The following WBP11 variants were observed in gnomAD, a reference collection of about 807,000 sequenced individuals.
WBP11 encodes the protein WW domain-binding protein 11.
In WBP11, 12 loss-of-function variants were observed where a neutral mutation model predicts 66.7. The ratio of observed to expected loss-of-function variants is 0.18; its 90% CI spans 0.12 to 0.29. The LOEUF (loss-of-function observed/expected upper bound fraction) is 0.29. WBP11 is among the 10% of genes least tolerant of loss of function. WBP11 has a pLI of 1.00. For synonymous variants in WBP11, 255 were observed against 273.8 expected, an observed-to-expected ratio of 0.93 and a Z score of 0.68; for missense variants, 555 against 818.3, an observed-to-expected ratio of 0.68 and a Z score of 3.93.
Position 14,793,760 on chromosome 12 carries a change from T to C in WBP11, c.884A>G (p.Glu295Gly), listed in dbSNP as rs776581981. The change falls in exon 8 of 12, where the codon GAG (glutamate) becomes GGG (glycine). Residue 295 changes from glutamate (E) to glycine (G), a missense_variant. Around this residue, in one of 6 missense-constraint regions of WBP11, gnomAD observed 220 missense variants for 268.2 expected, o/e 0.82. Coordinates refer to ENST00000261167, the MANE Select transcript of WBP11 (RefSeq NM_016312.3). ...CTTCTTTTCTTCATTGTTGTCTCTCTCACCATTATCACGGTGCACAAATTC... is the reference window on the plus strand; with the variant it reads ...CTTCTTTTCTTCATTGTTGTCTCTCCCACCATTATCACGGTGCACAAATTC... ...GDEFVHRDNG[E>G]RDNNEEKKSG... is the part of the protein sequence containing the mutation. 1.2e-6 allele frequency: 2 copies of C among 1,614,084 alleles called. No homozygotes were observed. The highest frequency in any genetic ancestry group is 1.7e-6 in the Non-Finnish European group (2 of 1,179,970).
chr12:14,787,354 G>C lies in WBP11; in HGVS notation c.1637C>G (p.Ala546Gly), dbSNP rs368323504. ...APPNLIQRPK[A>G]DDTSAATIEK... ...AATGGTGGCTGCACTTGTATCATCC[G>C]CCTTGGGTCGCTGAATCAAGTTGGG... The change falls in exon 12 of 12, where the codon GCG becomes GGG. Residue 546 changes from alanine to glycine, a missense_variant. Ala to Gly is a moderately conservative substitution (Grantham distance 60). Around this residue, in one of 6 missense-constraint regions of WBP11, gnomAD observed 230 missense variants for 286.3 expected, o/e 0.80. Coordinates refer to ENST00000261167, the MANE Select transcript of WBP11 (RefSeq NM_016312.3). 36 of 1,609,426 alleles carry C rather than the reference G, an allele frequency of 2.2e-5. No individual in the cohort carries two copies. The South Asian group carries it at 4.0e-4, about 18-fold the overall frequency.
chr12:14,801,764 A>G, intron 1 of WBP11: 1 of 172,346 alleles, frequency 5.8e-6, no homozygotes, highest in Non-Finnish European at 1.3e-5. Flanking sequence ...GGCACAAACC[A>G]TGAACATCAG....
Position 14,790,559 on chromosome 12 carries a change from T to C in WBP11, c.1206A>G (p.Ile402Met). ...GTGGTCCTGGCATGGGAGGTGCTTGTATCTGAGAAGGAGGAACAGACTGCG... is the reference window on the plus strand; with the variant it reads ...GTGGTCCTGGCATGGGAGGTGCTTGCATCTGAGAAGGAGGAACAGACTGCG... Reference protein sequence around the residue: ...APPQSVPPSQIQAPPMPGPPP... With the variant: ...APPQSVPPSQMQAPPMPGPPP... Residue 402 changes from isoleucine (I) to methionine (M), a missense_variant, in exon 10 of 12, where the codon ATA becomes ATG. Ile to Met is a conservative substitution (Grantham distance 10). Transcript: ENST00000261167. 6.2e-7 allele frequency: 1 copy of C among 1,613,980 alleles called. No individual in the cohort carries two copies. The highest frequency in any genetic ancestry group is 8.5e-7 in the Non-Finnish European group (1 of 1,179,862).
chr12:14,801,145 G>C, intron 2 of WBP11, 175 bp downstream of exon 2: 2 of 518,606 alleles, frequency 3.9e-6, no homozygotes, highest in Non-Finnish European at 6.6e-6. Flanking sequence ...TAAAATACGG[G>C]TACTAATTTC....
chr12:14,801,480 C>T, intron 1 of WBP11, 52 bp from the exon 2 acceptor site: 2 of 1,217,026 alleles, frequency 1.6e-6, no homozygotes, highest in Non-Finnish European at 2.4e-6. Context: ...TGTATTTCTT[C>T]CTTTTTCTAG....
Position 14,796,829 on chromosome 12 carries a change from C to A in WBP11, c.365G>T (p.Ser122Ile). ...VEYEQKRAQL[S>I]QYFDAVKNAQ... ...TACCTTGACAGCATCAAAATATTGG[C>A]TAAGTTGAGCCCTCTTCTGTTCATA... is the stretch of plus-strand genomic sequence containing the variant. Residue 122 changes from serine (S) to isoleucine (I), a missense_variant, in exon 5 of 12, where the codon AGC becomes ATC. Ser to Ile is a moderately radical substitution (Grantham distance 142). Coordinates refer to ENST00000261167, the MANE Select transcript of WBP11 (RefSeq NM_016312.3). This position sits in a 1 kb window ranked among gnomAD's most constrained non-coding sequence, Gnocchi z 4.5. 1 of 1,593,394 alleles carries A rather than the reference C, an allele frequency of 6.3e-7. No homozygotes were observed. Among genetic ancestry groups the A allele is most frequent in the Admixed American group, 1.8e-5 (1 of 54,126 alleles).
At position 14,785,812 on chromosome 12, in the gene WBP11, A is replaced by G. The variant is rs1472762963; in HGVS notation, c.*1253T>C. ...CGCACTGTGTGTATGTGTTTATGAA[A>G]TACACACTTTGGATCACTGGATAAA... On this transcript the variant is annotated 3_prime_UTR_variant, in exon 12 of 12. Coordinates refer to ENST00000261167, the MANE Select transcript of WBP11 (RefSeq NM_016312.3). 6.6e-6 allele frequency: 1 copy of G among 152,246 alleles called. No individual in the cohort carries two copies. Among genetic ancestry groups the G allele is most frequent in the African/African-American group, 2.4e-5 (1 of 41,468 alleles). The allele number at this position is 152,246 out of a possible 1,614,324, so 9.4% of individuals were successfully genotyped here.
chr12:14,791,415 G>T (rs528518692), intron 8 of WBP11, 145 bp from the exon 9 acceptor site: 2 of 544,708 alleles, frequency 3.7e-6, no homozygotes, highest in South Asian at 2.7e-5. Context: ...CTAATGATAC[G>T]AACACCCAGA....
intron 1 of WBP11, 84 bp from the exon 2 acceptor site, chr12:14,801,512 A>T (rs1311504365): frequency 3.5e-6 from 3 of 847,270 alleles, no homozygotes; most frequent in Non-Finnish European, 5.4e-6. Context: ...CTCTGAAAAA[A>T]AATTCCTTTA....
chr12:14,787,383 G>A lies in WBP11; in HGVS notation c.1608C>T (p.Ala536=), dbSNP rs200349132. ...TGGGTCGCTGAATCAAGTTGGGTGG[G>A]GCACTTAAAACCCCAGGGTTTGGCA... ...APLPNPGVLS[A]PPNLIQRPKA... The change falls in exon 12 of 12, where the codon GCC becomes GCT. Residue 536 remains alanine (A), a synonymous_variant. Coordinates refer to ENST00000261167, the MANE Select transcript of WBP11 (RefSeq NM_016312.3). 6.3e-7 allele frequency: 1 copy of A among 1,598,500 alleles called. No homozygotes were observed. Among genetic ancestry groups the A allele is most frequent in the Non-Finnish European group, 8.5e-7 (1 of 1,170,070 alleles).
chr12:14,791,596 A>G (rs1023698085), intron 8 of WBP11, among the ~76,000 whole-genome samples: 1 of 152,256 alleles, frequency 6.6e-6, no homozygotes, highest in Non-Finnish European at 1.5e-5. Flanking sequence ...TAAAGAGCAT[A>G]GGAAAAGATG....
intron 2 of WBP11, 124 bp downstream of exon 2, chr12:14,801,195 GA>G: frequency 2.2e-6 from 2 of 910,370 alleles, no homozygotes; most frequent in Non-Finnish European, 3.4e-6. Flanking sequence ...TACAAACCCT[GA>G]ATATATAATT....
chr12:14,798,614 C>T (rs1485526653), intron 4 of WBP11, among the ~76,000 whole-genome samples: 2 of 152,128 alleles, frequency 1.3e-5, no homozygotes, highest in East Asian at 3.9e-4. Flanking sequence ...GAACTCTTAG[C>T]CAGGCTAGCT....
chr12:14,800,353 C>G (rs1227011259), intron 3 of WBP11, among the ~76,000 whole-genome samples: 2 of 151,504 alleles, frequency 1.3e-5, no homozygotes. Flanking sequence ...TATTATAAAC[C>G]TACATATATA....
At chr12:14,799,438 C>G in intron 4 of WBP11, 197 bp downstream of exon 4, 3 of 422,104 alleles carry the variant, frequency 7.1e-6, no homozygotes. Flanking sequence ...TCGCTTCCCT[C>G]TTATTCTGGT....
At chr12:14,799,602 G>A (rs1226643110) in intron 4 of WBP11, 33 bp downstream of exon 4, 2 of 1,601,144 alleles carry the variant, frequency 1.2e-6, no homozygotes, top group Non-Finnish European at 1.7e-6. Context: ...GTACGTGTCA[G>A]ACTGTTATAG....
chr12:14,789,939 T>G (rs1201232323), intron 10 of WBP11, among the ~76,000 whole-genome samples: 1 of 152,180 alleles, frequency 6.6e-6, no homozygotes, highest in African/African-American at 2.4e-5. Flanking sequence ...GCTGAAAAGT[T>G]CTCTGTTGCT....
chr12:14,800,281 C>G (rs1374567614), intron 3 of WBP11, among the ~76,000 whole-genome samples: 1 of 151,894 alleles, frequency 6.6e-6, no homozygotes, highest in Admixed American at 6.6e-5. Context: ...GCCACAAATT[C>G]AACAGCTAAG....
chr12:14,790,339 A>AAGAG (rs1160947494), intron 10 of WBP11, 117 bp downstream of exon 10: 6 of 1,333,818 alleles, frequency 4.5e-6, no homozygotes, highest in Non-Finnish European at 6.2e-6. Flanking sequence ...TTCACATCTT[A>AAGAG]AGAGAATCCA....
Sources: gnomAD v4.1 joint callset for allele counts (sites outside exome capture counted in the v4.1 genomes callset) on GRCh38, gnomAD v4.1.1 for gene constraint, gnomAD v4.1.1 regional missense constraint, Gnocchi (gnomAD v3.1) non-coding constraint, MANE v1.5 for transcripts, NCBI Gene and HGNC (gene_info 2026-07-23, HGNC 2026-07-21) for gene names.